Variants in SFMBT2 observed in about 807,000 individuals in gnomAD.
SFMBT2 encodes Scm like with four mbt domains 2.
SFMBT2 carries 38 observed loss-of-function variants against 110.1 expected under a neutral mutation model. That is an observed-to-expected ratio of 0.35 (90% confidence interval 0.27 to 0.45). The LOEUF (loss-of-function observed/expected upper bound fraction) is 0.45. Among genes scored for constraint, SFMBT2 ranks in the 20% least tolerant of loss-of-function variants. The pLI, the probability that SFMBT2 is intolerant of heterozygous loss-of-function variation, is 1.00. For synonymous variants in SFMBT2, 425 were observed against 425.4 expected, an observed-to-expected ratio of 1.00 and a Z score of 0.01; for missense variants, 1,011 against 1,094.9, an observed-to-expected ratio of 0.92 and a Z score of 1.08.
intron 15 of SFMBT2, among the ~76,000 whole-genome samples, chr10:7,193,744 ACTACAGGC>A (rs1313539950): frequency 6.6e-6 from 1 of 152,210 alleles, no homozygotes; most frequent in Non-Finnish European, 1.5e-5. Context: ...TAAAGTGAGG[ACTACAGGC>A]CTGGTGATTC....
intron 6 of SFMBT2, among the ~76,000 whole-genome samples, chr10:7,282,296 C>T (rs11255071): frequency 0.4 from 60,152 of 152,100 alleles, 12,735 homozygotes; most frequent in East Asian, 0.74. Context: ...TGCTCGTGAG[C>T]GTGAGTCCCA....
intron 1 of SFMBT2, among the ~76,000 whole-genome samples, chr10:7,396,214 G>C (rs1020376658): frequency 2.6e-5 from 4 of 152,144 alleles, no homozygotes; most frequent in African/African-American, 4.8e-5. Flanking sequence ...GCGCCACTGC[G>C]CTACAGCCTG....
intron 11 of SFMBT2, among the ~76,000 whole-genome samples, chr10:7,218,693 T>C (rs1382549230): frequency 6.6e-6 from 1 of 152,228 alleles, no homozygotes; most frequent in Non-Finnish European, 1.5e-5. Flanking sequence ...ATCAAAAATC[T>C]GTATTCAAAG....
At chr10:7,307,599 T>C (rs1306891262) in intron 4 of SFMBT2, among the ~76,000 whole-genome samples, 1 of 152,222 alleles carries the variant, frequency 6.6e-6, no homozygotes, top group Non-Finnish European at 1.5e-5. Context: ...GATAAATAGT[T>C]CTAGGACAAC....
At chr10:7,177,901 C>T (rs570632923) in intron 16 of SFMBT2, among the ~76,000 whole-genome samples, 9 of 151,918 alleles carry the variant, frequency 5.9e-5, no homozygotes, top group African/African-American at 2.2e-4. Flanking sequence ...TGAAAAGCCA[C>T]CAGGGGTGTA....
rs983753276 is a variant in SFMBT2, at chr10:7,408,276, T to C, written c.-52+2585A>G. 5.3e-5 allele frequency among the ~76,000 whole-genome samples: 8 copies of C among 152,166 alleles called. No homozygotes were observed. Among genetic ancestry groups the C allele is most frequent in the Non-Finnish European group, 8.8e-5 (6 of 68,024 alleles). Reference sequence around the variant, plus strand: ...GGCTGGAGGAGCCACGGACGCGTCCTGGCCGGCGTGTCGCCATCGTTCAGC... The same window carrying C: ...GGCTGGAGGAGCCACGGACGCGTCCCGGCCGGCGTGTCGCCATCGTTCAGC... On this transcript the variant is annotated intron_variant, in intron 1 of 20. Coordinates refer to ENST00000397167, the MANE Select transcript of SFMBT2 (RefSeq NM_001387889.1). This position sits in a 1 kb window ranked among gnomAD's most constrained non-coding sequence, Gnocchi z 5.7.
intron 4 of SFMBT2, among the ~76,000 whole-genome samples, chr10:7,302,455 A>G (rs1842578820): frequency 1.3e-5 from 2 of 152,234 alleles, no homozygotes; most frequent in Admixed American, 6.5e-5. Flanking sequence ...GTGGGAGCTC[A>G]CAGCTCCAAA....
intron 4 of SFMBT2, among the ~76,000 whole-genome samples, chr10:7,315,068 G>GAAAGAA (rs1469463118): frequency 7.0e-6 from 1 of 142,032 alleles, no homozygotes; most frequent in South Asian, 2.2e-4. Context: ...AAGAAAGAAA[G>GAAAGAA]AAAGAAAGAA....
At chr10:7,332,768 A>G (rs896589771) in intron 4 of SFMBT2, among the ~76,000 whole-genome samples, 2 of 152,266 alleles carry the variant, frequency 1.3e-5, no homozygotes, top group African/African-American at 4.8e-5. Flanking sequence ...CACTATTCAC[A>G]GCACAGCACT....
rs937781556 is a variant in SFMBT2, at chr10:7,227,852, T to C, written c.1203+3A>G. 1.4e-5 allele frequency: 22 copies of C among 1,604,502 alleles called. No homozygotes were observed. In the Admixed American group the frequency reaches 2.3e-4, roughly 16 times the overall value. On this transcript the variant is annotated splice_donor_region_variant and intron_variant, in intron 10 of 20. Transcript: ENST00000397167. ...AAAATTAGGTAAGAGAGAAGCTTCT[T>C]ACATTTCGGAAGCAGAAGGGAGGGG...
chr10:7,406,887 G>C (rs900719552), intron 1 of SFMBT2, among the ~76,000 whole-genome samples: 1 of 152,086 alleles, frequency 6.6e-6, no homozygotes, highest in Non-Finnish European at 1.5e-5. Context: ...ATTCCAGGAT[G>C]GGGGCTGCGA....
At chr10:7,207,731 T>C (rs1839199860) in intron 11 of SFMBT2, among the ~76,000 whole-genome samples, 1 of 152,250 alleles carries the variant, frequency 6.6e-6, no homozygotes, top group African/African-American at 2.4e-5. Flanking sequence ...CCACCGGCTC[T>C]GACTTTTCAT....
intron 1 of SFMBT2, among the ~76,000 whole-genome samples, chr10:7,393,242 G>A (rs749407595): frequency 1.3e-5 from 2 of 151,678 alleles, no homozygotes; most frequent in Non-Finnish European, 2.9e-5. Context: ...TGTTGGTCAG[G>A]CTGGTCTCAA....
rs370007628 is a variant in SFMBT2 at position 7,180,480 on chromosome 10, C to T, written c.1809-4315G>A. ...AAAAAGCTGCCTTGGCCCTGCCCTT[C>T]CCAGAAGGGCCCCATCCAGGGACTG... On this transcript the variant is annotated intron_variant, in intron 16 of 20. Coordinates refer to ENST00000397167, the MANE Select transcript of SFMBT2 (RefSeq NM_001387889.1). Among the ~76,000 whole-genome samples, 305 of 152,178 alleles carry T rather than the reference C, an allele frequency of 2.0e-3. 1 individual carries two copies. The highest frequency in any genetic ancestry group is 7.2e-3 in the African/African-American group (297 of 41,506).
chr10:7,232,870 C>T (rs1035602438), intron 9 of SFMBT2, among the ~76,000 whole-genome samples: 2 of 152,144 alleles, frequency 1.3e-5, no homozygotes, highest in Non-Finnish European at 2.9e-5. Flanking sequence ...ATGAAATACA[C>T]CATGACTGCC....
chr10:7,228,739 T>C (rs1325199001), intron 9 of SFMBT2, among the ~76,000 whole-genome samples: 500 of 28,796 alleles, frequency 0.017, no homozygotes, highest in East Asian at 0.042. Context: ...TTCTTTCCTT[T>C]CTCTCTCTCT....
intron 7 of SFMBT2, among the ~76,000 whole-genome samples, chr10:7,260,173 C>G (rs1841148203): frequency 6.6e-6 from 1 of 152,138 alleles, no homozygotes; most frequent in African/African-American, 2.4e-5. Context: ...TTCCAACCTA[C>G]AGACAAGCAG....
intron 9 of SFMBT2, among the ~76,000 whole-genome samples, chr10:7,234,042 C>T (rs1235141808): frequency 6.6e-6 from 1 of 152,232 alleles, no homozygotes; most frequent in Admixed American, 6.5e-5. Flanking sequence ...CTTGTCGATG[C>T]TGTTTGCTAA....
chr10:7,334,321 C>A (rs551663448), intron 4 of SFMBT2, among the ~76,000 whole-genome samples: 1 of 152,306 alleles, frequency 6.6e-6, no homozygotes, highest in South Asian at 2.1e-4. Flanking sequence ...CCACCAGGAG[C>A]CTGATGCTCA....
Sources: gnomAD v4.1 joint callset for allele counts (sites outside exome capture counted in the v4.1 genomes callset) on GRCh38, gnomAD v4.1.1 for gene constraint, Gnocchi (gnomAD v3.1) non-coding constraint, MANE v1.5 for transcripts, NCBI Gene and HGNC (gene_info 2026-07-23, HGNC 2026-07-21) for gene names.